Variants in SLC25A45 observed in about 807,000 individuals in gnomAD.
The protein encoded by SLC25A45 is solute carrier family 25 member 45, also known as methylated amino-acid transporter SLC25A45.
In SLC25A45, 22 loss-of-function variants were observed where a neutral mutation model predicts 23.0. The observed-to-expected ratio is 0.95, with a 90% CI of 0.68 to 1.36. The LOEUF is 1.36. Ranked by LOEUF, SLC25A45 falls within the 40% of genes most tolerant of loss-of-function variation. The pLI is 0.00. For synonymous variants in SLC25A45, 136 were observed against 155.0 expected (o/e 0.88, Z 0.91); for missense variants, 355 against 383.5 (o/e 0.93, Z 0.62).
At chr11:65,380,447 G>T in intron 2 of SLC25A45, 3 of 1,115,566 alleles carry the variant, frequency 2.7e-6, no homozygotes, top group Non-Finnish European at 3.8e-6. Context: ...GCCAGCCAAA[G>T]ACGTACGTGT....
Position 65,376,223 on chromosome 11 carries a change from A to G in SLC25A45, c.*184T>C. 1.5e-6 allele frequency: 1 copy of G among 664,762 alleles called. No individual in the cohort carries two copies. The highest frequency in any genetic ancestry group is 2.5e-6 in the Non-Finnish European group (1 of 399,964). 41.2% of individuals were successfully genotyped at this position (664,762 alleles called of 1,614,324 possible). A position where few individuals can be genotyped will look rare whatever the true frequency, so the allele number is the denominator to read the frequency against. On this transcript the variant is annotated 3_prime_UTR_variant, in exon 7 of 7. Transcript: ENST00000398802. ...GGCCAGCTACACAGGGAGGCTGCAC[A>G]GGCCCCCTGGCTTCCGGCTCCCACA... is the stretch of plus-strand genomic sequence containing the variant.
chr11:65,379,514 A>G lies in SLC25A45; in HGVS notation c.201T>C (p.Ala67=), dbSNP rs1480764083. Residue 67 remains alanine, a synonymous_variant, in exon 5 of 7, where the codon GCT becomes GCC. Transcript: ENST00000398802. ...KGMSFPIASI[A]VVNSVLFGVY... Reference sequence around the variant, plus strand: ...CCCCAAACAGGACAGAGTTGACCACAGCTATGCTGGCAATGGGGAAGCTCA... The same window carrying G: ...CCCCAAACAGGACAGAGTTGACCACGGCTATGCTGGCAATGGGGAAGCTCA... The G allele has an allele frequency of 3.1e-6, 5 of 1,613,248 alleles. No homozygotes were observed. In the Admixed American group the frequency reaches 8.3e-5, roughly 27 times the overall value.
rs762830319 is a variant in SLC25A45 at position 65,379,104 on chromosome 11, G to T, written c.339+272C>A. The T allele has an allele frequency of 1.1e-5, 5 of 462,246 alleles. No individual in the cohort carries two copies. In the East Asian group the frequency reaches 2.2e-4, roughly 20 times the overall value. 28.6% of individuals were successfully genotyped at this position (462,246 alleles called of 1,614,324 possible). ...GGCTGGCAGACCCCTCTGGAGGGGG[G>T]CAAGCCCCGTCAGCTGGAGCGAGTG... is the stretch of plus-strand genomic sequence containing the variant. On this transcript the variant is annotated intron_variant, in intron 5 of 6. Transcript: ENST00000398802.
chr11:65,382,530 T>G lies in SLC25A45; in HGVS notation c.-63A>C, dbSNP rs1565588246. The G allele has an allele frequency of 6.5e-6, 1 of 154,874 alleles. No individual in the cohort carries two copies. Among genetic ancestry groups the G allele is most frequent in the Non-Finnish European group, 1.4e-5 (1 of 69,254 alleles). 9.6% of individuals were successfully genotyped at this position (154,874 alleles called of 1,614,324 possible). ...CAGGGTTGTTTACGACTCCCCCGACTCCCCCGTGTGAGTCAGAAACACAGC... is the reference window on the plus strand; with the variant it reads ...CAGGGTTGTTTACGACTCCCCCGACGCCCCCGTGTGAGTCAGAAACACAGC... On this transcript the variant is annotated 5_prime_UTR_variant, in exon 1 of 7. Transcript: ENST00000398802. This position sits in a 1 kb window ranked among gnomAD's most constrained non-coding sequence, Gnocchi z 4.4.
intron 2 of SLC25A45, chr11:65,381,699 T>C: frequency 1.8e-6 from 1 of 561,164 alleles, no homozygotes; most frequent in East Asian, 3.3e-5. Context: ...GGACTACAGG[T>C]GTGAGCCACC....
In SLC25A45 at chr11:65,376,604, T is replaced by C. The variant is rs624307; in HGVS notation, c.670A>G (p.Met224Val). ...TCCATCTGCATCCGGGACTTGATCATGTCTAAGGGCGTGGCTGCCACCCAG... is the reference window on the plus strand; with the variant it reads ...TCCATCTGCATCCGGGACTTGATCACGTCTAAGGGCGTGGCTGCCACCCAG... ...ASWVAATPLD[M>V]IKSRMQMDGL... Residue 224 changes from methionine to valine, a missense_variant, in exon 7 of 7, where the codon ATG becomes GTG. Coordinates refer to ENST00000398802, the MANE Select transcript of SLC25A45 (RefSeq NM_182556.4). The C allele has an allele frequency of 1, 1,606,645 of 1,614,118 alleles. 799,884 individuals carry two copies. Among genetic ancestry groups the C allele is most frequent in the East Asian group, 1 (44,874 of 44,874 alleles).
rs753929967 is a variant in SLC25A45, at chr11:65,376,379, TG to T, written c.*27del. ...ACTGGCCTCCAGGCCGTGGGCCTGA[TG>T]GGGAGCTGCTGGCATTGCCGCAGGG... is the stretch of plus-strand genomic sequence containing the variant. On this transcript the variant is annotated 3_prime_UTR_variant, in exon 7 of 7. Transcript: ENST00000398802. The T allele has an allele frequency of 4.4e-6, 7 of 1,605,438 alleles. No individual in the cohort carries two copies. The highest frequency in any genetic ancestry group is 6.0e-6 in the Non-Finnish European group (7 of 1,172,996).
chr11:65,381,802 C>T (rs900500781), intron 2 of SLC25A45, 113 bp downstream of exon 2: 14 of 1,365,860 alleles, frequency 1.0e-5, no homozygotes, highest in Non-Finnish European at 1.5e-5. Flanking sequence ...AAGTGATCCT[C>T]CCGCCAGGCC....
chr11:65,379,303 G>A, intron 5 of SLC25A45, 73 bp downstream of exon 5: 1 of 1,553,460 alleles, frequency 6.4e-7, no homozygotes. Context: ...GGTCGCCAGG[G>A]CAGGGTGGGA....
At position 65,379,910 on chromosome 11, in the gene SLC25A45, CGGTA is replaced by C. The variant is rs1476889217; in HGVS notation, c.106_109del (p.Tyr36GlyfsTer23). 1.2e-6 allele frequency: 2 copies of C among 1,614,216 alleles called. No individual in the cohort carries two copies. Among genetic ancestry groups the C allele is most frequent in the Non-Finnish European group, 1.7e-6 (2 of 1,180,026 alleles). On this transcript the variant is annotated frameshift_variant, in exon 4 of 7. Coordinates refer to ENST00000398802, the MANE Select transcript of SLC25A45 (RefSeq NM_182556.4). LOFTEE classifies it high-confidence loss of function. Reference sequence around the variant, plus strand: ...CTTGACCATGCAATCAACGATGCCCCGGTAGGTGGTCTGGGTCTGCAGCCTCACC... The same window carrying C: ...CTTGACCATGCAATCAACGATGCCCCGGTGGTCTGGGTCTGCAGCCTCACC...
upstream of SLC25A45, chr11:65,382,958 T>C (rs1468266982): frequency 6.6e-6 from 1 of 152,316 alleles, no homozygotes; most frequent in Admixed American, 6.5e-5. This position sits in a 1 kb window ranked among gnomAD's most constrained non-coding sequence, Gnocchi z 4.4. Flanking sequence ...CAACATACGA[T>C]GGGAAGAACT....
intron 5 of SLC25A45, 80 bp from the exon 6 acceptor site, chr11:65,377,156 G>T: frequency 6.6e-7 from 1 of 1,510,886 alleles, no homozygotes. Context: ...GAGGAAGGAG[G>T]CAGGCAGGGG....
chr11:65,377,280 A>C (rs1036164188), intron 5 of SLC25A45: 3 of 1,415,052 alleles, frequency 2.1e-6, no homozygotes, highest in African/African-American at 2.9e-5. Flanking sequence ...CTCCCTTGGC[A>C]TCAGGCCCAA....
chr11:65,379,537 T>C lies in SLC25A45; in HGVS notation c.178A>G (p.Ser60Gly), dbSNP rs553302766. 8.5e-5 allele frequency: 137 copies of C among 1,611,254 alleles called. No homozygotes were observed. Among genetic ancestry groups the C allele is most frequent in the Non-Finnish European group, 1.1e-4 (131 of 1,177,882 alleles). ...ESLLGFFKGM[S>G]FPIASIAVVN... The stretch of plus-strand genomic sequence containing the variant: ...ACAGCTATGCTGGCAATGGGGAAGC[T>C]CATTCCCTTGAAGAAGCCCAGGAGC... The change falls in exon 5 of 7, where the codon AGC becomes GGC. Residue 60 changes from serine (S) to glycine (G), a missense_variant. Transcript: ENST00000398802.
At position 65,381,965 on chromosome 11, in the gene SLC25A45, G is replaced by A. The variant is rs1399853825; in HGVS notation, c.-14C>T. The A allele has an allele frequency of 3.7e-6, 6 of 1,612,876 alleles. 1 individual carries two copies. Among genetic ancestry groups the A allele is most frequent in the Middle Eastern group, 1.6e-4 (1 of 6,080 alleles). On this transcript the variant is annotated 5_prime_UTR_variant, in exon 2 of 7. Coordinates refer to ENST00000398802, the MANE Select transcript of SLC25A45 (RefSeq NM_182556.4). The stretch of plus-strand genomic sequence containing the variant: ...CTCCACCGGCATTGTCTGGGCTTGC[G>A]GGAACTGGTGGCTCCAGCAGAGGAG...
rs1309196965 is a variant in SLC25A45, at chr11:65,380,149, G to T, written c.64C>A (p.Pro22Thr). Residue 22 changes from proline to threonine, a missense_variant, in exon 3 of 7, where the codon CCG becomes ACG. Coordinates refer to ENST00000398802, the MANE Select transcript of SLC25A45 (RefSeq NM_182556.4). ...AAACTCACCTTTACAGTGTCAAACGGGTGTCCCAGGACCAAGCCCAGAGCG... is the reference window on the plus strand; with the variant it reads ...AAACTCACCTTTACAGTGTCAAACGTGTGTCCCAGGACCAAGCCCAGAGCG... ...SGALGLVLGH[P>T]FDTVKVRLQT... The T allele has an allele frequency of 1.2e-6, 2 of 1,614,192 alleles. No homozygotes were observed. The highest frequency in any genetic ancestry group is 1.7e-6 in the Non-Finnish European group (2 of 1,180,010).
intron 5 of SLC25A45, 101 bp downstream of exon 5, chr11:65,379,275 T>TA: frequency 7.2e-7 from 1 of 1,384,184 alleles, no homozygotes; most frequent in South Asian, 1.2e-5. Context: ...CCAAGAGGCC[T>TA]ATGCCTCCAC....
In SLC25A45 at chr11:65,382,217, G is replaced by A. The variant is rs1301809099; in HGVS notation, c.-18-248C>T. 4 of 541,684 alleles carry A rather than the reference G, an allele frequency of 7.4e-6. No individual in the cohort carries two copies. The highest frequency in any genetic ancestry group is 6.7e-6 in the Non-Finnish European group (2 of 298,974). The allele number at this position is 541,684 out of a possible 1,614,324, so 33.6% of individuals were successfully genotyped here. A position where few individuals can be genotyped will look rare whatever the true frequency, so the allele number is the denominator to read the frequency against. The stretch of plus-strand genomic sequence containing the variant: ...CACAGAGGCCCTGATCCCCGAGCCC[G>A]GCCAATGATCCTCGCTCTGAGGATG... On this transcript the variant is annotated intron_variant, in intron 1 of 6. Transcript: ENST00000398802. This position sits in a 1 kb window ranked among gnomAD's most constrained non-coding sequence, Gnocchi z 4.4.
Position 65,382,442 on chromosome 11 carries a change from C to T in SLC25A45, c.-19+44G>A, listed in dbSNP as rs1855624048. ...GGGTAGGCCCAGCCCGCATTTGCCG[C>T]TGCGTGGCAGGGTGGGGAGGAGCCA... On this transcript the variant is annotated intron_variant, in intron 1 of 6. Transcript: ENST00000398802. This position sits in a 1 kb window ranked among gnomAD's most constrained non-coding sequence, Gnocchi z 4.4. 1 of 182,548 alleles carries T rather than the reference C, an allele frequency of 5.5e-6. No individual in the cohort carries two copies. Among genetic ancestry groups the T allele is most frequent in the South Asian group, 1.0e-4 (1 of 9,630 alleles). 11.3% of individuals were successfully genotyped at this position (182,548 alleles called of 1,614,324 possible).
Sources: allele counts gnomAD v4.1 joint callset, GRCh38; gene constraint gnomAD v4.1.1; non-coding constraint Gnocchi (gnomAD v3.1); transcripts MANE v1.5; gene names NCBI Gene and HGNC (gene_info 2026-07-23, HGNC 2026-07-21).